Variants in EXT1 observed in about 807,000 individuals in gnomAD.
EXT1 encodes exostosin glycosyltransferase 1.
EXT1 carries 20 observed loss-of-function variants against 82.5 expected under a neutral mutation model. That is an observed-to-expected ratio of 0.24 (90% CI 0.17 to 0.35). EXT1 has a LOEUF of 0.35. Ranked by LOEUF, EXT1 falls within the 10% of genes least tolerant of loss-of-function variation. EXT1 has a pLI of 1.00. For synonymous variants in EXT1, 348 were observed against 350.8 expected, an observed-to-expected ratio of 0.99 and a Z score of 0.09; for missense variants, 757 against 936.5, an observed-to-expected ratio of 0.81 and a Z score of 2.50.
intron 1 of EXT1, among the ~76,000 whole-genome samples, chr8:118,105,673 G>C (rs1817793281): frequency 6.6e-6 from 1 of 151,968 alleles, no homozygotes. Context: ...GTGCTAATTG[G>C]GTTTATGTTA....
intron 1 of EXT1, among the ~76,000 whole-genome samples, chr8:118,051,146 G>A (rs891255047): frequency 2.0e-5 from 3 of 152,084 alleles, no homozygotes; most frequent in African/African-American, 7.2e-5. Context: ...GACCAGCCTG[G>A]CCAACATGGC....
chr8:117,992,438 T>TAAAAAAAA (rs142840509), intron 1 of EXT1, among the ~76,000 whole-genome samples: 1 of 53,100 alleles, frequency 1.9e-5, no homozygotes, highest in Non-Finnish European at 3.9e-5. Flanking sequence ...TTCAACTAGC[T>TAAAAAAAA]AAAAAAAAAA....
At position 118,060,850 on chromosome 8, in the gene EXT1, C is replaced by T. The variant is rs950474212; in HGVS notation, c.962+49235G>A. Among the ~76,000 whole-genome samples the T allele has an allele frequency of 2.6e-5, 4 of 152,154 alleles. No individual in the cohort carries two copies. The South Asian group carries it at 6.2e-4, about 24-fold the overall frequency. On this transcript the variant is annotated intron_variant, in intron 1 of 10. Coordinates refer to ENST00000378204, the MANE Select transcript of EXT1 (RefSeq NM_000127.3). ...TTGGAGCACAAGTATTATTCTTCAC[C>T]AAGAAGAGCAATTTGAGGAAGACTT...
intron 1 of EXT1, among the ~76,000 whole-genome samples, chr8:117,988,663 G>C (rs577329449): frequency 7.6e-4 from 115 of 152,284 alleles, no homozygotes; most frequent in African/African-American, 2.6e-3. Context: ...AATGTCAAGA[G>C]AGGCCTGCAA....
At chr8:117,905,928 A>G (rs552564904) in intron 1 of EXT1, among the ~76,000 whole-genome samples, 1 of 152,350 alleles carries the variant, frequency 6.6e-6, no homozygotes, top group African/African-American at 2.4e-5. Flanking sequence ...CATCACTTCC[A>G]AGCCCCTCCG....
At chr8:118,006,356 G>C (rs895144447) in intron 1 of EXT1, among the ~76,000 whole-genome samples, 5 of 152,092 alleles carry the variant, frequency 3.3e-5, no homozygotes, top group African/African-American at 1.2e-4. Context: ...GAATTATATG[G>C]ATCTCTGAGG....
At chr8:117,858,282 T>C (rs569857522) in intron 1 of EXT1, among the ~76,000 whole-genome samples, 23 of 152,346 alleles carry the variant, frequency 1.5e-4, no homozygotes, top group African/African-American at 5.3e-4. Flanking sequence ...AACAGCATTC[T>C]CTATGGAGAA....
At chr8:118,017,555 A>T (rs1310399866) in intron 1 of EXT1, among the ~76,000 whole-genome samples, 4 of 152,114 alleles carry the variant, frequency 2.6e-5, no homozygotes, top group African/African-American at 9.7e-5. Flanking sequence ...CACTCTTGCC[A>T]TTGGTTTAGA....
At chr8:117,915,379 A>G (rs1017763303) in intron 1 of EXT1, among the ~76,000 whole-genome samples, 3 of 150,002 alleles carry the variant, frequency 2.0e-5, no homozygotes, top group African/African-American at 7.3e-5. Context: ...ATACCTGAAT[A>G]GGCATTCATT....
chr8:117,946,461 C>T (rs1814390445), intron 1 of EXT1, among the ~76,000 whole-genome samples: 1 of 152,172 alleles, frequency 6.6e-6, no homozygotes, highest in Non-Finnish European at 1.5e-5. Flanking sequence ...GGCGCCTAAT[C>T]CCAGCACTCT....
intron 1 of EXT1, among the ~76,000 whole-genome samples, chr8:117,942,286 C>T (rs566966171): frequency 6.6e-6 from 1 of 152,300 alleles, no homozygotes; most frequent in South Asian, 2.1e-4. Flanking sequence ...ATACTTGAGG[C>T]ATACATTTAT....
intron 1 of EXT1, among the ~76,000 whole-genome samples, chr8:117,956,803 TA>T (rs2129707693): frequency 6.6e-6 from 1 of 152,226 alleles, no homozygotes; most frequent in East Asian, 1.9e-4. Context: ...TAGGTTTCCT[TA>T]ACCATGAGCA....
chr8:118,057,206 T>A (rs886209174), intron 1 of EXT1, among the ~76,000 whole-genome samples: 24 of 152,178 alleles, frequency 1.6e-4, no homozygotes, highest in African/African-American at 5.8e-4. Flanking sequence ...CATTCTTATG[T>A]TCTACACCTG....
chr8:117,870,110 T>A (rs1812843621), intron 1 of EXT1, among the ~76,000 whole-genome samples: 1 of 152,102 alleles, frequency 6.6e-6, no homozygotes, highest in Admixed American at 6.5e-5. Context: ...AAAAAAAAAA[T>A]TAGGAAAATG....
intron 1 of EXT1, among the ~76,000 whole-genome samples, chr8:118,066,778 G>A (rs754775662): frequency 6.6e-6 from 1 of 152,128 alleles, no homozygotes. Flanking sequence ...TCATTGTTAC[G>A]TTTTCAGGGA....
At chr8:118,036,553 T>C (rs756721773) in intron 1 of EXT1, among the ~76,000 whole-genome samples, 2 of 152,194 alleles carry the variant, frequency 1.3e-5, no homozygotes, top group East Asian at 1.9e-4. Flanking sequence ...GTAATTTCAA[T>C]TGAGTTGAGC....
At chr8:117,924,217 A>G (rs1216644332) in intron 1 of EXT1, among the ~76,000 whole-genome samples, 2 of 152,168 alleles carry the variant, frequency 1.3e-5, no homozygotes, top group African/African-American at 4.8e-5. Context: ...GGAAATATTT[A>G]CTGACTGCCC....
At chr8:117,940,410 C>T (rs1381697673) in intron 1 of EXT1, among the ~76,000 whole-genome samples, 3 of 152,070 alleles carry the variant, frequency 2.0e-5, no homozygotes, top group East Asian at 3.9e-4. Context: ...AAGAGCCCCC[C>T]GTATCTGGAA....
intron 1 of EXT1, among the ~76,000 whole-genome samples, chr8:118,013,201 T>TTTG (rs899380061): frequency 1.3e-5 from 2 of 151,842 alleles, no homozygotes; most frequent in East Asian, 1.9e-4. Context: ...ACCTGGCTAC[T>TTTG]TTGTTGTTGT....
Sources: allele counts gnomAD v4.1 joint callset (sites outside exome capture counted in the v4.1 genomes callset), GRCh38; gene constraint gnomAD v4.1.1; transcripts MANE v1.5; gene names NCBI Gene and HGNC (gene_info 2026-07-23, HGNC 2026-07-21).